STON2: variants seen among roughly 807,000 people sequenced by gnomAD.
STON2 encodes the protein stonin 2, also known as stonin-2.
A neutral mutation model predicts 65.7 loss-of-function variants in STON2; 29 were observed. The ratio of observed to expected loss-of-function variants is 0.44; its 90% confidence interval spans 0.33 to 0.60. The LOEUF (loss-of-function observed/expected upper bound fraction) is 0.60. STON2 is among the 20% of genes least tolerant of loss of function. The pLI is 0.03. For missense variants in STON2, 1,054 were observed against 1,118.1 expected (o/e 0.94, Z 0.82); for synonymous variants, 404 against 414.2 (o/e 0.98, Z 0.30).
intron 3 of STON2, among the ~76,000 whole-genome samples, chr14:81,374,738 G>A (rs1899171801): frequency 1.3e-5 from 2 of 152,020 alleles, no homozygotes; most frequent in African/African-American, 4.8e-5. Context: ...ACACACGGAG[G>A]GCAGCGTGAG....
At chr14:81,270,976 C>A in intron 6 of STON2, 104 bp from the exon 7 acceptor site, 1 of 1,440,380 alleles carries the variant, frequency 6.9e-7, no homozygotes, top group South Asian at 1.4e-5. Flanking sequence ...GGGCTCGGCA[C>A]CCGGCAGCCT....
intron 6 of STON2, among the ~76,000 whole-genome samples, chr14:81,273,309 A>C (rs1206599642): frequency 6.6e-6 from 1 of 152,242 alleles, no homozygotes; most frequent in African/African-American, 2.4e-5. Context: ...GCATTAAATA[A>C]GTCCACACAT....
Position 81,270,522 on chromosome 14 carries a change from C to A in STON2, c.2784+148G>T. ...ATGCATTTAAATCAGAGCAGACGCA[C>A]CCACAGCTATGTATGGTGAACTTCC... On this transcript the variant is annotated intron_variant, in intron 7 of 7. Coordinates refer to ENST00000614646, the MANE Select transcript of STON2 (RefSeq NM_001394390.1). 3 of 1,554,314 alleles carry A rather than the reference C, an allele frequency of 1.9e-6. No individual in the cohort carries two copies. The Middle Eastern group carries it at 5.3e-4, about 274-fold the overall frequency.
chr14:81,427,895 C>T (rs962168292), intron 1 of STON2, among the ~76,000 whole-genome samples: 1 of 152,156 alleles, frequency 6.6e-6, no homozygotes, highest in Non-Finnish European at 1.5e-5. Flanking sequence ...CCAGATACCA[C>T]AGTGACTCAG....
chr14:81,306,168 T>TCTC (rs56386343), intron 5 of STON2, among the ~76,000 whole-genome samples: 2 of 124,578 alleles, frequency 1.6e-5, no homozygotes, highest in African/African-American at 7.4e-5. Context: ...TCTCTCTCTC[T>TCTC]ATATATATAT....
intron 2 of STON2, chr14:81,413,290 A>T (rs1901260240): frequency 7.2e-7 from 1 of 1,397,568 alleles, no homozygotes. Context: ...CAAGGACTGC[A>T]GCCTAAATTC....
intron 2 of STON2, among the ~76,000 whole-genome samples, chr14:81,417,644 C>T (rs1056290712): frequency 6.6e-6 from 1 of 152,046 alleles, no homozygotes; most frequent in African/African-American, 2.4e-5. Context: ...TGTTGAGATG[C>T]AAAGACTGTG....
At chr14:81,343,450 C>T (rs927191832) in intron 4 of STON2, among the ~76,000 whole-genome samples, 3 of 152,108 alleles carry the variant, frequency 2.0e-5, no homozygotes, top group African/African-American at 7.2e-5. Flanking sequence ...CCCTCCCTCC[C>T]ACCTCTTCTC....
At position 81,267,881 on chromosome 14, in the gene STON2, G is replaced by A. The variant is rs1595263591; in HGVS notation, c.*533C>T. 1.0e-6 allele frequency: 1 copy of A among 985,432 alleles called. No homozygotes were observed. The highest frequency in any genetic ancestry group is 1.1e-4 in the East Asian group (1 of 8,812). 61.0% of individuals were successfully genotyped at this position (985,432 alleles called of 1,614,324 possible). ...TTGAAAGCTTAACAGTTAAAGAATG[G>A]AGACACCTCAAAAAGGTCTAGTAAG... is the stretch of plus-strand genomic sequence containing the variant. On this transcript the variant is annotated 3_prime_UTR_variant, in exon 8 of 8. Transcript: ENST00000614646.
rs1283951518 is a variant in STON2, at chr14:81,277,417, T to C, written c.2065A>G (p.Met689Val). 10 of 1,614,062 alleles carry C rather than the reference T, an allele frequency of 6.2e-6. No homozygotes were observed. The Admixed American group carries it at 6.7e-5, about 11-fold the overall frequency. ...ATCCACTTTGTGGTGGTGGTGGGCA[T>C]GATGTCCTGCCTCAAAACTATTTCA... Reference protein sequence around the residue: ...GNEIVLRQDIMPTTTTKWIKL... With the variant: ...GNEIVLRQDIVPTTTTKWIKL... The change falls in exon 6 of 8, where the codon ATG becomes GTG. Residue 689 changes from methionine to valine, a missense_variant. Coordinates refer to ENST00000614646, the MANE Select transcript of STON2 (RefSeq NM_001394390.1).
intron 1 of STON2, among the ~76,000 whole-genome samples, chr14:81,434,222 G>C (rs553317405): frequency 1.3e-5 from 2 of 152,274 alleles, no homozygotes; most frequent in East Asian, 3.9e-4. Flanking sequence ...GCAGAAGCCT[G>C]GCTCAGAAAA....
At chr14:81,353,345 C>G (rs569346528) in intron 4 of STON2, among the ~76,000 whole-genome samples, 1 of 152,282 alleles carries the variant, frequency 6.6e-6, no homozygotes, top group African/African-American at 2.4e-5. Flanking sequence ...TGAAGGTCTT[C>G]TAGCTCTGTA....
intron 4 of STON2, among the ~76,000 whole-genome samples, chr14:81,344,538 T>C (rs1049276282): frequency 1.3e-5 from 2 of 152,246 alleles, no homozygotes; most frequent in South Asian, 2.1e-4. Flanking sequence ...ATGTATCATA[T>C]GTTATTTGAC....
At chr14:81,380,716 C>T (rs1566935500) in intron 3 of STON2, among the ~76,000 whole-genome samples, 1 of 152,136 alleles carries the variant, frequency 6.6e-6, no homozygotes, top group Non-Finnish European at 1.5e-5. Flanking sequence ...CAAATTAACC[C>T]AGGAACAGAA....
At chr14:81,346,278 A>G (rs941981594) in intron 4 of STON2, among the ~76,000 whole-genome samples, 15 of 152,144 alleles carry the variant, frequency 9.9e-5, no homozygotes, top group Admixed American at 3.3e-4. Flanking sequence ...TGAGGTAGTG[A>G]GGTGGGTGCA....
intron 6 of STON2, among the ~76,000 whole-genome samples, chr14:81,276,534 G>C (rs1338693145): frequency 6.6e-6 from 1 of 152,204 alleles, no homozygotes; most frequent in Non-Finnish European, 1.5e-5. Flanking sequence ...GTGTGAGAAA[G>C]ATGTCTCTTC....
intron 4 of STON2, among the ~76,000 whole-genome samples, chr14:81,343,526 G>A (rs1377603407): frequency 6.9e-6 from 1 of 145,458 alleles, no homozygotes; most frequent in Non-Finnish European, 1.5e-5. Flanking sequence ...ATTTCACAAA[G>A]CATATCGGGT....
chr14:81,268,642 G>A, intron 7 of STON2, 145 bp from the exon 8 acceptor site: 3 of 1,222,614 alleles, frequency 2.5e-6, no homozygotes, highest in Non-Finnish European at 3.1e-6. Flanking sequence ...GGAGCTACTG[G>A]CCCTGAGTAT....
intron 4 of STON2, among the ~76,000 whole-genome samples, chr14:81,334,094 T>C (rs1897295541): frequency 6.6e-6 from 1 of 152,298 alleles, no homozygotes; most frequent in African/African-American, 2.4e-5. Context: ...GGTTCAAGCA[T>C]GGCAATAAGG....
Sources: allele counts gnomAD v4.1 joint callset (sites outside exome capture counted in the v4.1 genomes callset), GRCh38; gene constraint gnomAD v4.1.1; transcripts MANE v1.5; gene names NCBI Gene and HGNC (gene_info 2026-07-23, HGNC 2026-07-21).